Variants in CCDC149 observed in about 807,000 individuals in gnomAD.
CCDC149 encodes coiled-coil domain containing 149.
In CCDC149, 45 loss-of-function variants were observed where a neutral mutation model predicts 59.9. The observed-to-expected ratio is 0.75, with a 90% CI of 0.59 to 0.96. The LOEUF is 0.96. CCDC149 is among the 40% of genes least tolerant of loss of function. The pLI is 0.00. For missense variants in CCDC149, 584 were observed against 664.7 expected (o/e 0.88, Z 1.33); for synonymous variants, 245 against 260.6 (o/e 0.94, Z 0.58).
intron 3 of CCDC149, among the ~76,000 whole-genome samples, chr4:24,857,068 A>G (rs1718057755): frequency 1.3e-5 from 2 of 152,204 alleles, no homozygotes; most frequent in Admixed American, 1.3e-4. Context: ...CTGTAAGGGC[A>G]ACAATGAAAA....
At chr4:24,852,287 T>TGCACACACACAC (rs1553851403) in intron 4 of CCDC149, among the ~76,000 whole-genome samples, 20 of 121,282 alleles carry the variant, frequency 1.6e-4, no homozygotes, top group Non-Finnish European at 3.1e-4. Flanking sequence ...CAACACACCA[T>TGCACACACACAC]ACACACACAC....
intron 1 of CCDC149, among the ~76,000 whole-genome samples, chr4:24,938,606 C>A (rs981729211): frequency 6.6e-6 from 1 of 152,144 alleles, no homozygotes; most frequent in Middle Eastern, 3.2e-3. Flanking sequence ...AATCACTTCA[C>A]CCAGGAAGTG....
intron 3 of CCDC149, among the ~76,000 whole-genome samples, chr4:24,865,408 G>A (rs1181610747): frequency 6.6e-6 from 1 of 152,182 alleles, no homozygotes; most frequent in Non-Finnish European, 1.5e-5. Context: ...GCTTTGGTCT[G>A]ATGGTGACTC....
chr4:24,851,719 C>T (rs1046777296), intron 4 of CCDC149, among the ~76,000 whole-genome samples: 21 of 152,104 alleles, frequency 1.4e-4, no homozygotes, highest in African/African-American at 4.3e-4. Flanking sequence ...CTATTGCATA[C>T]ATTTTGTTTT....
At chr4:24,810,699 G>C (rs1714544555) in intron 12 of CCDC149, among the ~76,000 whole-genome samples, 1 of 152,162 alleles carries the variant, frequency 6.6e-6, no homozygotes, top group Admixed American at 6.5e-5. Flanking sequence ...GGGCAAGCCA[G>C]AAACAGAAAA....
chr4:24,962,180 C>T lies in CCDC149; in HGVS notation c.-65+17889G>A, dbSNP rs148119882. ...TGAACAGACACTTCTCAAAAGAAGA[C>T]ATCCATGCAGCCAAAAGACCCATGA... On this transcript the variant is annotated intron_variant, in intron 1 of 12. Coordinates refer to the CCDC149 transcript ENST00000389609. 8.5e-3 allele frequency among the ~76,000 whole-genome samples: 1,300 copies of T among 152,284 alleles called. 16 individuals carry two copies. Among genetic ancestry groups the T allele is most frequent in the African/African-American group, 0.03 (1,235 of 41,560 alleles).
Position 24,837,382 on chromosome 4 carries a change from C to T in CCDC149, c.508G>A (p.Asp170Asn), listed in dbSNP as rs202018132. 10 of 1,614,110 alleles carry T rather than the reference C, an allele frequency of 6.2e-6. No homozygotes were observed. Among genetic ancestry groups the T allele is most frequent in the South Asian group, 2.2e-5 (2 of 91,058 alleles). Residue 170 changes from aspartate to asparagine, a missense_variant, in exon 6 of 13, where the codon GAC becomes AAC. By Grantham distance (23) the Asp-to-Asn change is conservative. Transcript: ENST00000635206. This position sits in a 1 kb window ranked among gnomAD's most constrained non-coding sequence, Gnocchi z 4.3. Reference sequence around the variant, plus strand: ...AGCTCGTCCACAGAAGCCTGCAGGTCGTGCTCCAGAGACTCAATCTAAAAC... The same window carrying T: ...AGCTCGTCCACAGAAGCCTGCAGGTTGTGCTCCAGAGACTCAATCTAAAAC...
At chr4:24,957,085 T>C (rs1723487305) in intron 1 of CCDC149, among the ~76,000 whole-genome samples, 3 of 152,250 alleles carry the variant, frequency 2.0e-5, no homozygotes, top group African/African-American at 2.4e-5. Context: ...ATGAAATCTA[T>C]GGCAGAGAAC....
intron 1 of CCDC149, among the ~76,000 whole-genome samples, chr4:24,876,926 C>T (rs1227842576): frequency 6.6e-6 from 1 of 152,124 alleles, no homozygotes; most frequent in Non-Finnish European, 1.5e-5. Flanking sequence ...AGTTAAAAAG[C>T]AGAACGTTTT....
chr4:24,832,391 G>C (rs1483989197), intron 8 of CCDC149, among the ~76,000 whole-genome samples: 1 of 152,200 alleles, frequency 6.6e-6, no homozygotes, highest in Non-Finnish European at 1.5e-5. Context: ...TTGGGAAAGA[G>C]TACATTATGC....
chr4:24,934,419 T>G (rs1276973209), intron 1 of CCDC149, among the ~76,000 whole-genome samples: 1 of 152,194 alleles, frequency 6.6e-6, no homozygotes, highest in African/African-American at 2.4e-5. Flanking sequence ...CATGTGGAAC[T>G]GTAAGTTAAT....
intron 3 of CCDC149, among the ~76,000 whole-genome samples, chr4:24,863,709 C>T (rs999309898): frequency 2.0e-5 from 3 of 152,246 alleles, no homozygotes; most frequent in African/African-American, 7.2e-5. Context: ...ACAGGCCCAG[C>T]CTAGTCTTTG....
chr4:24,853,706 T>C (rs1035535533), intron 3 of CCDC149, among the ~76,000 whole-genome samples: 1 of 152,200 alleles, frequency 6.6e-6, no homozygotes, highest in African/African-American at 2.4e-5. Context: ...AGTTTCATTT[T>C]CTTGTTTGGA....
chr4:24,809,498 A>C (rs1210202597), intron 12 of CCDC149, among the ~76,000 whole-genome samples: 2 of 152,090 alleles, frequency 1.3e-5, no homozygotes, highest in African/African-American at 4.8e-5. Context: ...TTCCCTACTC[A>C]CTTGCTTTGT....
intron 1 of CCDC149, among the ~76,000 whole-genome samples, chr4:24,974,324 G>A (rs1724084296): frequency 6.6e-6 from 1 of 152,212 alleles, no homozygotes; most frequent in Non-Finnish European, 1.5e-5. Flanking sequence ...CTAGAGGGGT[G>A]AAATCCCTGA....
At chr4:24,836,547 C>T in intron 6 of CCDC149, 39 bp from the exon 7 acceptor site, 1 of 1,375,350 alleles carries the variant, frequency 7.3e-7, no homozygotes, top group Non-Finnish European at 1.0e-6. Flanking sequence ...TGTTTAAGGG[C>T]TAAATAAAAA....
chr4:24,955,674 T>A (rs1352980738), intron 1 of CCDC149, among the ~76,000 whole-genome samples: 1 of 152,040 alleles, frequency 6.6e-6, no homozygotes, highest in Non-Finnish European at 1.5e-5. Flanking sequence ...CTTAGAGCAG[T>A]CAAAATTATA....
At chr4:24,886,396 G>A (rs1720179510) in intron 1 of CCDC149, among the ~76,000 whole-genome samples, 2 of 152,348 alleles carry the variant, frequency 1.3e-5, no homozygotes, top group Non-Finnish European at 1.5e-5. Flanking sequence ...TTACATTTCA[G>A]TCTCTTTGCC....
rs138511124 is a variant in CCDC149, at chr4:24,848,513, G to A, written c.372+4559C>T. Among the ~76,000 whole-genome samples, 960 of 152,192 alleles carry A rather than the reference G, an allele frequency of 6.3e-3. 12 individuals carry two copies. Among genetic ancestry groups the A allele is most frequent in the African/African-American group, 0.022 (898 of 41,502 alleles). On this transcript the variant is annotated intron_variant, in intron 4 of 12. Transcript: ENST00000635206. The stretch of plus-strand genomic sequence containing the variant: ...GAACCCGGGAGGCGGAGGTTGCAGT[G>A]AGCTGAGATTGCACCACTGTGCTCC...
Sources: gnomAD v4.1 joint callset for allele counts (sites outside exome capture counted in the v4.1 genomes callset) on GRCh38, gnomAD v4.1.1 for gene constraint, Gnocchi (gnomAD v3.1) non-coding constraint, MANE v1.5 for transcripts, NCBI Gene and HGNC (gene_info 2026-07-23, HGNC 2026-07-21) for gene names.